AGBL4: variants seen among roughly 807,000 people sequenced by gnomAD.
AGBL4 encodes AGBL carboxypeptidase 4, also known as cytosolic carboxypeptidase 6.
In AGBL4, 58 loss-of-function variants were observed where a neutral mutation model predicts 66.4. The observed-to-expected ratio is 0.87, with a 90% CI of 0.71 to 1.09. AGBL4 has a LOEUF of 1.09. Among genes scored for constraint, AGBL4 ranks in the 50% least tolerant of loss-of-function variants. The probability of loss-of-function intolerance (pLI) is 0.00; values close to 1 mark genes in which losing one functional copy is unlikely to be tolerated. For synonymous variants in AGBL4, 234 were observed against 222.9 expected (o/e 1.05, Z -0.44); for missense variants, 579 against 631.0 (o/e 0.92, Z 0.88).
At chr1:48,750,533 G>A (rs1020711349) in intron 6 of AGBL4, among the ~76,000 whole-genome samples, 2 of 152,230 alleles carry the variant, frequency 1.3e-5, no homozygotes, top group Non-Finnish European at 2.9e-5. Flanking sequence ...CTGAGAGCTC[G>A]GGACCAAAGT....
intron 3 of AGBL4, among the ~76,000 whole-genome samples, chr1:49,658,714 T>C (rs1200664545): frequency 6.6e-6 from 1 of 152,136 alleles, no homozygotes; most frequent in Non-Finnish European, 1.5e-5. Context: ...TGTAGGGACA[T>C]GGATGAAGCT....
intron 6 of AGBL4, among the ~76,000 whole-genome samples, chr1:48,782,098 G>T (rs1645309048): frequency 6.6e-6 from 1 of 152,220 alleles, no homozygotes; most frequent in Admixed American, 6.5e-5. Context: ...TTCAATTTTA[G>T]ACAGTTTGCT....
intron 4 of AGBL4, among the ~76,000 whole-genome samples, chr1:49,055,550 T>C (rs935442982): frequency 6.6e-6 from 1 of 151,958 alleles, no homozygotes; most frequent in Non-Finnish European, 1.5e-5. Context: ...TATATAACTC[T>C]AAGAAGATTA....
chr1:48,663,326 G>C (rs1646137360), intron 6 of AGBL4, 85 bp from the exon 7 acceptor site: 2 of 1,238,770 alleles, frequency 1.6e-6, no homozygotes, highest in Non-Finnish European at 1.2e-6. Context: ...AACCCCAGAG[G>C]GAATGGGCTG....
chr1:49,512,069 G>T (rs753001157), intron 3 of AGBL4, among the ~76,000 whole-genome samples: 1 of 151,952 alleles, frequency 6.6e-6, no homozygotes, highest in East Asian at 1.9e-4. Context: ...TCAAAACACT[G>T]TTGAATAAAG....
In AGBL4 at chr1:48,601,347, C is replaced by T. The variant is rs184356318; in HGVS notation, c.952-10362G>A. Among the ~76,000 whole-genome samples the T allele has an allele frequency of 1.1e-3, 166 of 152,318 alleles. 1 individual carries two copies. The highest frequency in any genetic ancestry group is 3.9e-3 in the African/African-American group (162 of 41,570). ...GCTTTGTGCCTACCAAAATGTGTGA[C>T]AGCTTATACACTGTCAATATATTCT... On this transcript the variant is annotated intron_variant, in intron 9 of 13. Transcript: ENST00000371839.
intron 3 of AGBL4, among the ~76,000 whole-genome samples, chr1:49,266,456 A>G (rs1369081177): frequency 6.6e-6 from 1 of 152,172 alleles, no homozygotes; most frequent in Non-Finnish European, 1.5e-5. Flanking sequence ...ATTTTGTTCT[A>G]AATTTTAGCA....
At chr1:49,403,106 T>C (rs1359914952) in intron 3 of AGBL4, among the ~76,000 whole-genome samples, 2 of 152,250 alleles carry the variant, frequency 1.3e-5, no homozygotes, top group African/African-American at 4.8e-5. Context: ...CTATATTGTA[T>C]TGGAAAAAAT....
chr1:49,372,783 T>C (rs565035165), intron 3 of AGBL4, among the ~76,000 whole-genome samples: 2 of 151,202 alleles, frequency 1.3e-5, no homozygotes, highest in East Asian at 1.9e-4. Context: ...TTTTGAGACA[T>C]GGTTTCCCTC....
chr1:49,095,881 C>T (rs1487506466), intron 4 of AGBL4, among the ~76,000 whole-genome samples: 4 of 151,676 alleles, frequency 2.6e-5, no homozygotes, highest in Non-Finnish European at 5.9e-5. Context: ...GCAAAAGAAA[C>T]TACCATCAGA....
chr1:49,288,277 G>A (rs1644462799), intron 3 of AGBL4, among the ~76,000 whole-genome samples: 1 of 150,100 alleles, frequency 6.7e-6, no homozygotes, highest in Admixed American at 6.6e-5. Context: ...TGACGAGTTA[G>A]TGGGTGCAGC....
At chr1:48,535,682 C>A (rs976102692) in intron 12 of AGBL4, among the ~76,000 whole-genome samples, 1 of 152,162 alleles carries the variant, frequency 6.6e-6, no homozygotes. Context: ...CCTTTATCCC[C>A]TTTCTATTTC....
the AGBL4 span, among the ~76,000 whole-genome samples, chr1:48,523,724 A>AGTG: frequency 7.4e-5 from 4 of 54,346 alleles, no homozygotes; most frequent in Non-Finnish European, 1.4e-4. Flanking sequence ...AGGCCAGAGC[A>AGTG]ATGTACAGTC....
At chr1:49,282,127 G>A (rs1437366183) in intron 3 of AGBL4, among the ~76,000 whole-genome samples, 12 of 152,186 alleles carry the variant, frequency 7.9e-5, no homozygotes, top group Admixed American at 5.9e-4. Flanking sequence ...GTCCATTGGA[G>A]AATTGCTTGG....
chr1:48,652,862 A>T (rs984115590), intron 8 of AGBL4, among the ~76,000 whole-genome samples: 2 of 152,164 alleles, frequency 1.3e-5, no homozygotes, highest in African/African-American at 4.8e-5. Context: ...ATGACCTGGG[A>T]TTCTATTCTC....
At chr1:48,759,047 G>A in intron 6 of AGBL4, 1 of 1,613,934 alleles carries the variant, frequency 6.2e-7, no homozygotes, top group Non-Finnish European at 8.5e-7. Flanking sequence ...TCCTGCTGGA[G>A]GTGGCGCATC....
At chr1:49,647,036 T>C (rs929814025) in intron 3 of AGBL4, among the ~76,000 whole-genome samples, 4 of 150,840 alleles carry the variant, frequency 2.7e-5, no homozygotes, top group African/African-American at 9.7e-5. Flanking sequence ...TAACTCAAAA[T>C]AGAACATATA....
chr1:49,340,365 T>G (rs1645515198), intron 3 of AGBL4, among the ~76,000 whole-genome samples: 1 of 152,174 alleles, frequency 6.6e-6, no homozygotes, highest in Non-Finnish European at 1.5e-5. Context: ...TTCATAGCCC[T>G]TTTCCTTCAC....
chr1:49,831,980 C>CT lies in AGBL4; in HGVS notation c.157+19415dup, dbSNP rs71572688. On this transcript the variant is annotated intron_variant, in intron 2 of 13. Transcript: ENST00000371839. ...AGCTGACTAGATCGTGGTGGATAAG[C>CT]TTTTTTTTTTTAATTTTATTTTATT... Among the ~76,000 whole-genome samples, 1,228 of 145,652 alleles carry CT rather than the reference C, an allele frequency of 8.4e-3. 6 individuals carry two copies. The highest frequency in any genetic ancestry group is 0.018 in the Middle Eastern group (5 of 284).
Sources: gnomAD v4.1 joint callset for allele counts (sites outside exome capture counted in the v4.1 genomes callset) on GRCh38, gnomAD v4.1.1 for gene constraint, MANE v1.5 for transcripts, NCBI Gene and HGNC (gene_info 2026-07-23, HGNC 2026-07-21) for gene names.